SNTG2: variants seen among roughly 807,000 people sequenced by gnomAD.
The protein encoded by SNTG2 is syntrophin gamma 2, also known as gamma-2-syntrophin.
A neutral mutation model predicts 70.9 loss-of-function variants in SNTG2; 74 were observed. The ratio of observed to expected loss-of-function variants is 1.04; its 90% CI spans 0.86 to 1.27. The LOEUF is 1.27. Ranked by LOEUF, SNTG2 falls within the 50% of genes most tolerant of loss-of-function variation. The pLI, the probability that SNTG2 is intolerant of heterozygous loss-of-function variation, is 0.00. For synonymous variants in SNTG2, 278 were observed against 273.8 expected (o/e 1.02, Z -0.15); for missense variants, 717 against 690.7 (o/e 1.04, Z -0.43).
At chr2:1,055,287 G>C (rs1282100446) in intron 1 of SNTG2, among the ~76,000 whole-genome samples, 1 of 152,232 alleles carries the variant, frequency 6.6e-6, no homozygotes, top group African/African-American at 2.4e-5. Context: ...GCTTGGGGCC[G>C]CTCTGCTCGG....
intron 1 of SNTG2, among the ~76,000 whole-genome samples, chr2:976,752 A>T (rs1199408205): frequency 6.6e-6 from 1 of 152,018 alleles, no homozygotes; most frequent in Non-Finnish European, 1.5e-5. Flanking sequence ...TGCCCCTCTG[A>T]GCTCCTCTTC....
chr2:1,002,469 GACAA>G (rs1302150960), intron 1 of SNTG2, among the ~76,000 whole-genome samples: 5 of 151,962 alleles, frequency 3.3e-5, no homozygotes, highest in Non-Finnish European at 7.4e-5. Flanking sequence ...TTTTTCAAAA[GACAA>G]ACAAATGGTT....
At chr2:1,152,386 C>A (rs1424272919) in intron 6 of SNTG2, among the ~76,000 whole-genome samples, 1 of 152,132 alleles carries the variant, frequency 6.6e-6, no homozygotes, top group Non-Finnish European at 1.5e-5. Context: ...CGTGTGAGGC[C>A]GTGTGCATGC....
chr2:1,224,900 C>T (rs1286169441), intron 9 of SNTG2, among the ~76,000 whole-genome samples: 1 of 152,160 alleles, frequency 6.6e-6, no homozygotes, highest in Non-Finnish European at 1.5e-5. Context: ...GTTCACGGAA[C>T]CCCTCCAGCA....
At chr2:1,339,537 G>T (rs1558217900) in intron 16 of SNTG2, among the ~76,000 whole-genome samples, 1 of 152,164 alleles carries the variant, frequency 6.6e-6, no homozygotes, top group Non-Finnish European at 1.5e-5. Context: ...GGAATGGTTT[G>T]TAGCTGTTTT....
chr2:1,041,753 G>C (rs1280776900), intron 1 of SNTG2, among the ~76,000 whole-genome samples: 1 of 152,214 alleles, frequency 6.6e-6, no homozygotes, highest in African/African-American at 2.4e-5. Flanking sequence ...ACAGCCTGCA[G>C]ATCTGTGGGC....
At chr2:1,272,597 G>A (rs975668426) in intron 14 of SNTG2, among the ~76,000 whole-genome samples, 6 of 150,842 alleles carry the variant, frequency 4.0e-5, no homozygotes, top group South Asian at 2.1e-4. Context: ...GGGAGCAGGT[G>A]TAGAAAGGAC....
At chr2:1,080,790 G>A (rs993099553) in intron 1 of SNTG2, among the ~76,000 whole-genome samples, 6 of 152,130 alleles carry the variant, frequency 3.9e-5, no homozygotes, top group African/African-American at 1.4e-4. Flanking sequence ...GTTGGAAGTT[G>A]GAAGAGGCAT....
At chr2:1,076,685 A>G (rs1438222211) in intron 1 of SNTG2, among the ~76,000 whole-genome samples, 2 of 152,224 alleles carry the variant, frequency 1.3e-5, no homozygotes, top group African/African-American at 4.8e-5. Flanking sequence ...AAATAAATTA[A>G]AAAGCAGTAA....
chr2:1,098,865 C>T (rs1160667216), intron 4 of SNTG2, among the ~76,000 whole-genome samples: 1 of 152,184 alleles, frequency 6.6e-6, no homozygotes, highest in Non-Finnish European at 1.5e-5. Context: ...GTCCGTTCTG[C>T]ACTTGGCAGC....
intron 12 of SNTG2, among the ~76,000 whole-genome samples, chr2:1,252,381 T>C (rs1020899185): frequency 9.2e-5 from 14 of 152,166 alleles, no homozygotes; most frequent in African/African-American, 2.2e-4. Context: ...ACGTCACCTG[T>C]AAAATGAGAA....
intron 1 of SNTG2, among the ~76,000 whole-genome samples, chr2:961,112 T>A (rs756721641): frequency 2.3e-4 from 35 of 152,280 alleles, no homozygotes; most frequent in Non-Finnish European, 4.1e-4. Context: ...TTCTAGTAAA[T>A]GAGAAATTGT....
chr2:1,333,957 TA>T (rs1173356823), intron 16 of SNTG2, among the ~76,000 whole-genome samples: 2 of 152,094 alleles, frequency 1.3e-5, no homozygotes, highest in East Asian at 1.9e-4. Context: ...CTAATTAAAC[TA>T]AAAAGCTCCT....
At chr2:1,024,534 C>A (rs1463480919) in intron 1 of SNTG2, among the ~76,000 whole-genome samples, 2 of 152,070 alleles carry the variant, frequency 1.3e-5, no homozygotes, top group African/African-American at 4.8e-5. Flanking sequence ...CACACTTGGA[C>A]AATTATTTTT....
intron 16 of SNTG2, among the ~76,000 whole-genome samples, chr2:1,321,326 G>T (rs567939613): frequency 6.6e-6 from 1 of 152,320 alleles, no homozygotes; most frequent in African/African-American, 2.4e-5. Flanking sequence ...GTCTCTGGGA[G>T]AAACACTACC....
intron 4 of SNTG2, among the ~76,000 whole-genome samples, chr2:1,136,381 A>T (rs946110299): frequency 6.6e-6 from 1 of 151,282 alleles, no homozygotes; most frequent in Non-Finnish European, 1.5e-5. Context: ...ACACAGGGAG[A>T]CGGCGCAGGG....
intron 1 of SNTG2, among the ~76,000 whole-genome samples, chr2:995,040 A>G (rs1285691144): frequency 6.6e-6 from 1 of 151,864 alleles, no homozygotes; most frequent in Non-Finnish European, 1.5e-5. Context: ...TGTCCTATCT[A>G]GATGAGTTTT....
intron 14 of SNTG2, among the ~76,000 whole-genome samples, chr2:1,299,509 G>C (rs1680359571): frequency 6.6e-6 from 1 of 152,150 alleles, no homozygotes; most frequent in Non-Finnish European, 1.5e-5. Flanking sequence ...CTGGGTCTCT[G>C]TCTCCTTTTC....
chr2:989,198 C>T (rs1177204945), intron 1 of SNTG2, among the ~76,000 whole-genome samples: 4 of 152,104 alleles, frequency 2.6e-5, no homozygotes, highest in Non-Finnish European at 5.9e-5. Context: ...CTTCTTTCTC[C>T]CTAACGTATG....
Sources: gnomAD v4.1 joint callset for allele counts (sites outside exome capture counted in the v4.1 genomes callset) on GRCh38, gnomAD v4.1.1 for gene constraint, MANE v1.5 for transcripts, NCBI Gene and HGNC (gene_info 2026-07-23, HGNC 2026-07-21) for gene names.